The following ITSN2 variants were observed in gnomAD, a reference collection of about 807,000 sequenced individuals.
ITSN2 encodes the protein intersectin 2, also known as intersectin-2.
Under a neutral mutation model 243.7 loss-of-function variants are expected in ITSN2, and 156 were observed. The ratio of observed to expected loss-of-function variants is 0.64; its 90% confidence interval spans 0.56 to 0.73. The LOEUF is 0.73. Among genes scored for constraint, ITSN2 ranks in the 30% least tolerant of loss-of-function variants. The probability of loss-of-function intolerance (pLI) is 0.00; values close to 1 mark genes in which losing one functional copy is unlikely to be tolerated. For missense variants in ITSN2, 1,801 were observed against 1,996.1 expected (o/e 0.90, Z 1.86); for synonymous variants, 703 against 699.9 (o/e 1.00, Z -0.07).
In ITSN2 at chr2:24,296,195, CCTAAATATGGCCAT is replaced by C. The variant is rs564848013; in HGVS notation, c.1495-405_1495-392del. Among the ~76,000 whole-genome samples, 358 of 152,196 alleles carry C rather than the reference CCTAAATATGGCCAT, an allele frequency of 2.4e-3. 2 individuals carry two copies. Among genetic ancestry groups the C allele is most frequent in the Non-Finnish European group, 3.6e-3 (246 of 68,000 alleles). ...ACCTTCTCTGAACTTCTATTTCTAC[CCTAAATATGGCCAT>C]CTAATTTCCTCTAATTAAAACAGTG... On this transcript the variant is annotated intron_variant, in intron 13 of 39. Coordinates refer to ENST00000355123, the MANE Select transcript of ITSN2 (RefSeq NM_006277.3).
chr2:24,207,996 G>A (rs1245912440), intron 37 of ITSN2, among the ~76,000 whole-genome samples: 2 of 152,002 alleles, frequency 1.3e-5, no homozygotes, highest in East Asian at 1.9e-4. Context: ...GAGTGGGGGG[G>A]ATAGAGGTGG....
intron 17 of ITSN2, among the ~76,000 whole-genome samples, chr2:24,279,975 A>G (rs1574127558): frequency 6.6e-6 from 1 of 151,474 alleles, no homozygotes; most frequent in Non-Finnish European, 1.5e-5. Flanking sequence ...CTCATGATCC[A>G]CCCGCCTCAG....
chr2:24,261,856 A>C, intron 20 of ITSN2, 114 bp from the exon 21 acceptor site: 7 of 694,414 alleles, frequency 1.0e-5, no homozygotes. Flanking sequence ...CCATCTAACT[A>C]AACAGCTAAG....
chr2:24,210,976 G>A (rs755387707), intron 33 of ITSN2, 29 bp from the exon 34 acceptor site: 4 of 1,609,446 alleles, frequency 2.5e-6, no homozygotes, highest in Non-Finnish European at 3.4e-6. Context: ...TGTCACATGG[G>A]GGAGCTGCGT....
At chr2:24,290,837 A>G (rs1680153467) in intron 15 of ITSN2, among the ~76,000 whole-genome samples, 1 of 152,212 alleles carries the variant, frequency 6.6e-6, no homozygotes, top group Non-Finnish European at 1.5e-5. Flanking sequence ...ATTTCTGATC[A>G]ATAACACACT....
chr2:24,233,002 T>G (rs1255741862), intron 29 of ITSN2, among the ~76,000 whole-genome samples: 2 of 152,204 alleles, frequency 1.3e-5, no homozygotes, highest in African/African-American at 2.4e-5. Context: ...CTAAGTGATA[T>G]AATTATTCCC....
intron 1 of ITSN2, among the ~76,000 whole-genome samples, chr2:24,342,549 C>T (rs903668872): frequency 1.3e-5 from 2 of 148,222 alleles, no homozygotes; most frequent in African/African-American, 5.0e-5. Context: ...CGTAGGCCCT[C>T]AAGTGTCTAA....
chr2:24,291,095 G>T (rs1680185119), intron 15 of ITSN2, among the ~76,000 whole-genome samples: 1 of 151,974 alleles, frequency 6.6e-6, no homozygotes, highest in Non-Finnish European at 1.5e-5. Flanking sequence ...AGTTCATTTA[G>T]GAACATAAAA....
intron 20 of ITSN2, among the ~76,000 whole-genome samples, chr2:24,268,499 G>C (rs1336569840): frequency 6.6e-6 from 1 of 152,136 alleles, no homozygotes; most frequent in Non-Finnish European, 1.5e-5. Flanking sequence ...AGGGAGGTTT[G>C]ACAAGGAACA....
At chr2:24,350,949 G>C (rs547580105) in intron 1 of ITSN2, among the ~76,000 whole-genome samples, 1 of 152,156 alleles carries the variant, frequency 6.6e-6, no homozygotes, top group Non-Finnish European at 1.5e-5. Context: ...ACAAGTCTGT[G>C]AATATACTAA....
Position 24,249,266 on chromosome 2 carries a change from T to C in ITSN2, c.3121-384A>G, listed in dbSNP as rs909805178. The stretch of plus-strand genomic sequence containing the variant: ...CCTGGATATGTCAAGGTATACGTTA[T>C]TTTGCTCCTGCTTTCTCTAAGGGAT... On this transcript the variant is annotated intron_variant, in intron 25 of 39. Coordinates refer to ENST00000355123, the MANE Select transcript of ITSN2 (RefSeq NM_006277.3). This position sits in a 1 kb window ranked among gnomAD's most constrained non-coding sequence, Gnocchi z 4.4. Among the ~76,000 whole-genome samples the C allele has an allele frequency of 6.6e-6, 1 of 152,224 alleles. No homozygotes were observed. The highest frequency in any genetic ancestry group is 6.5e-5 in the Admixed American group (1 of 15,274).
At chr2:24,206,962 AC>A (rs1668956512) in intron 37 of ITSN2, among the ~76,000 whole-genome samples, 1 of 152,086 alleles carries the variant, frequency 6.6e-6, no homozygotes, top group Admixed American at 6.5e-5. Context: ...GGGGGAGCTC[AC>A]ATGGGAAGGC....
chr2:24,226,663 G>T (rs148278960), intron 29 of ITSN2, among the ~76,000 whole-genome samples: 3 of 152,236 alleles, frequency 2.0e-5, no homozygotes, highest in African/African-American at 7.2e-5. Context: ...TAGATTTCTA[G>T]CTGGACAGTT....
chr2:24,324,124 C>G (rs1454391822), intron 2 of ITSN2, among the ~76,000 whole-genome samples: 1 of 152,036 alleles, frequency 6.6e-6, no homozygotes, highest in South Asian at 2.1e-4. Flanking sequence ...CCCAGCTACT[C>G]GGGAGGCTGA....
chr2:24,209,775 C>T (rs765852807), intron 35 of ITSN2, 43 bp downstream of exon 35: 6 of 1,505,132 alleles, frequency 4.0e-6, no homozygotes, highest in Non-Finnish European at 5.5e-6. Context: ...GAGGCAACAC[C>T]TCATTAGGCC....
rs537039469 is a variant in ITSN2 at position 24,305,457 on chromosome 2, G to A, written c.794-1595C>T. Among the ~76,000 whole-genome samples the A allele has an allele frequency of 4.8e-4, 73 of 151,824 alleles. No homozygotes were observed. In the Middle Eastern group the frequency reaches 0.017, roughly 35 times the overall value. On this transcript the variant is annotated intron_variant, in intron 8 of 39. Coordinates refer to ENST00000355123, the MANE Select transcript of ITSN2 (RefSeq NM_006277.3). ...CTCTACTAAGAAAAATTAGCTGGGC[G>A]TGGTGGCGTGTGCCTGTAGGAGGCA...
intron 33 of ITSN2, among the ~76,000 whole-genome samples, chr2:24,212,383 T>A (rs1669569956): frequency 6.6e-6 from 1 of 152,152 alleles, no homozygotes; most frequent in Admixed American, 6.5e-5. Context: ...GACTTTGAGA[T>A]GCTGGGGAGT....
At chr2:24,206,499 G>A (rs1668896126) in intron 37 of ITSN2, among the ~76,000 whole-genome samples, 1 of 151,484 alleles carries the variant, frequency 6.6e-6, no homozygotes, top group African/African-American at 2.4e-5. Flanking sequence ...CAGCAGGGAG[G>A]TTGGGGCCTG....
chr2:24,270,945 C>G (rs1002737912), intron 19 of ITSN2, among the ~76,000 whole-genome samples, 177 bp from the exon 20 acceptor site: 3 of 152,062 alleles, frequency 2.0e-5, no homozygotes, highest in Admixed American at 2.0e-4. Context: ...AATAAAAAAG[C>G]AAACAAGGAT....
Sources: gnomAD v4.1 joint callset for allele counts (sites outside exome capture counted in the v4.1 genomes callset) on GRCh38, gnomAD v4.1.1 for gene constraint, Gnocchi (gnomAD v3.1) non-coding constraint, MANE v1.5 for transcripts, NCBI Gene and HGNC (gene_info 2026-07-23, HGNC 2026-07-21) for gene names.